Variants in MCU observed in about 807,000 individuals in gnomAD.
The protein encoded by MCU is calcium uniporter protein, mitochondrial.
In MCU, 12 loss-of-function variants were observed where a neutral mutation model predicts 45.2. The observed-to-expected ratio is 0.27, with a 90% CI of 0.17 to 0.43. The LOEUF is 0.43. Ranked by LOEUF, MCU falls within the 20% of genes least tolerant of loss-of-function variation. MCU has a pLI of 1.00. For missense variants in MCU, 324 were observed against 436.7 expected, an observed-to-expected ratio of 0.74 and a Z score of 2.30; for synonymous variants, 160 against 165.1, an observed-to-expected ratio of 0.97 and a Z score of 0.24.
intron 1 of MCU, among the ~76,000 whole-genome samples, chr10:72,743,159 G>T (rs1368328950): frequency 1.3e-5 from 2 of 151,612 alleles, no homozygotes; most frequent in Non-Finnish European, 2.9e-5. Context: ...CTGTAATCCC[G>T]GCACTTTGGG....
intron 1 of MCU, 122 bp from the exon 2 acceptor site, chr10:72,834,237 A>G: frequency 1.8e-6 from 1 of 552,656 alleles, no homozygotes; most frequent in Admixed American, 3.7e-5. Flanking sequence ...GTATTTTTAA[A>G]GTTTTCTACA....
intron 6 of MCU, among the ~76,000 whole-genome samples, chr10:72,879,996 C>T (rs1412659846): frequency 3.3e-5 from 5 of 151,942 alleles, no homozygotes; most frequent in Non-Finnish European, 5.9e-5. Flanking sequence ...TGCAATGAAC[C>T]GAGATCACGC....
chr10:72,878,478 C>T (rs1237698716), intron 6 of MCU, among the ~76,000 whole-genome samples: 2 of 152,086 alleles, frequency 1.3e-5, no homozygotes, highest in African/African-American at 4.8e-5. Context: ...ACAATACCTA[C>T]AGAAACAATA....
chr10:72,831,288 TC>T (rs1413248610), intron 1 of MCU, among the ~76,000 whole-genome samples: 3 of 151,664 alleles, frequency 2.0e-5, no homozygotes, highest in Non-Finnish European at 2.9e-5. Context: ...TGGAGGGGAG[TC>T]TGTAGTTGAT....
At chr10:72,694,691 G>A (rs1270005511) in intron 1 of MCU, among the ~76,000 whole-genome samples, 1 of 152,178 alleles carries the variant, frequency 6.6e-6, no homozygotes, top group Admixed American at 6.5e-5. Flanking sequence ...AGTCTGCATT[G>A]GAATGGATCA....
chr10:72,876,055 T>C (rs191206020), intron 6 of MCU, among the ~76,000 whole-genome samples: 1 of 152,122 alleles, frequency 6.6e-6, no homozygotes, highest in Non-Finnish European at 1.5e-5. Flanking sequence ...CTACTTAGGG[T>C]GGCAATAATG....
chr10:72,735,342 A>G (rs1257383655), intron 1 of MCU, among the ~76,000 whole-genome samples: 1 of 152,180 alleles, frequency 6.6e-6, no homozygotes, highest in African/African-American at 2.4e-5. Context: ...TTAAACATTG[A>G]TAAGTGCAAA....
chr10:72,715,427 A>T (rs1367755597), intron 1 of MCU, among the ~76,000 whole-genome samples: 1 of 152,166 alleles, frequency 6.6e-6, no homozygotes, highest in South Asian at 2.1e-4. Flanking sequence ...GAATATTTTT[A>T]CTATGGTACA....
chr10:72,839,580 G>A (rs983434972), intron 2 of MCU, among the ~76,000 whole-genome samples: 3 of 151,858 alleles, frequency 2.0e-5, no homozygotes, highest in Non-Finnish European at 4.4e-5. Context: ...GTAGTATTCC[G>A]GTATATGGAA....
At chr10:72,815,931 A>G (rs573628714) in intron 1 of MCU, among the ~76,000 whole-genome samples, 14 of 152,320 alleles carry the variant, frequency 9.2e-5, no homozygotes, top group Admixed American at 7.8e-4. Flanking sequence ...GGAGGTGTAA[A>G]TGTTATTCCT....
At chr10:72,860,969 G>A (rs2132870949) in intron 4 of MCU, among the ~76,000 whole-genome samples, 1 of 152,180 alleles carries the variant, frequency 6.6e-6, no homozygotes, top group African/African-American at 2.4e-5. Flanking sequence ...GTCAGTTATT[G>A]TACAATAATA....
chr10:72,790,816 T>C (rs1844147402), intron 1 of MCU, among the ~76,000 whole-genome samples: 1 of 152,212 alleles, frequency 6.6e-6, no homozygotes, highest in Admixed American at 6.5e-5. Flanking sequence ...AGTCGAAATG[T>C]AATCTCCTAG....
At chr10:72,796,414 C>T (rs982127846) in intron 1 of MCU, among the ~76,000 whole-genome samples, 1 of 152,170 alleles carries the variant, frequency 6.6e-6, no homozygotes, top group Non-Finnish European at 1.5e-5. Flanking sequence ...GAGTGAGACT[C>T]TGTCTCTAAA....
intron 1 of MCU, among the ~76,000 whole-genome samples, chr10:72,755,838 C>A (rs577649558): frequency 1.1e-4 from 17 of 150,280 alleles, no homozygotes; most frequent in Middle Eastern, 3.4e-3. Flanking sequence ...CAATTGAAAC[C>A]ATTTTTTTTT....
At chr10:72,873,013 G>GTTTTTTTTTTTTTTTTTTTTTTTTTTTT (rs1193681306) in intron 6 of MCU, among the ~76,000 whole-genome samples, 1 of 88,864 alleles carries the variant, frequency 1.1e-5, no homozygotes, top group African/African-American at 4.7e-5. Flanking sequence ...TGTTTTTTGG[G>GTTTTTTTTTTTTTTTTTTTTTTTTTTTT]TTTTTTTTTT....
At position 72,835,899 on chromosome 10, in the gene MCU, G is replaced by A. The variant is rs1034698535; in HGVS notation, c.220+1471G>A. Among the ~76,000 whole-genome samples, 6 of 152,120 alleles carry A rather than the reference G, an allele frequency of 3.9e-5. No individual in the cohort carries two copies. The East Asian group carries it at 7.7e-4, about 20-fold the overall frequency. On this transcript the variant is annotated intron_variant, in intron 2 of 7. Coordinates refer to ENST00000373053, the MANE Select transcript of MCU (RefSeq NM_138357.3). ...GTACCCAGATAACAGTACTTTCTAC[G>A]TGGCCAAGAGCCAGAGGACCATAAT... is the stretch of plus-strand genomic sequence containing the variant.
chr10:72,799,610 C>T (rs1236227776), intron 1 of MCU, among the ~76,000 whole-genome samples: 1 of 152,012 alleles, frequency 6.6e-6, no homozygotes, highest in African/African-American at 2.4e-5. Flanking sequence ...GTACATGCCA[C>T]TATGCCCAAC....
At chr10:72,834,764 C>CA (rs1259683986) in intron 2 of MCU, among the ~76,000 whole-genome samples, 1 of 152,118 alleles carries the variant, frequency 6.6e-6, no homozygotes, top group East Asian at 1.9e-4. Flanking sequence ...TGGATTCAAG[C>CA]AATTCTCCTG....
intron 2 of MCU, among the ~76,000 whole-genome samples, chr10:72,837,473 C>T (rs1844971871): frequency 6.6e-6 from 1 of 152,020 alleles, no homozygotes; most frequent in Non-Finnish European, 1.5e-5. Flanking sequence ...TTATAACCCC[C>T]GGTAAGTAAT....
Sources: gnomAD v4.1 joint callset for allele counts (sites outside exome capture counted in the v4.1 genomes callset) on GRCh38, gnomAD v4.1.1 for gene constraint, MANE v1.5 for transcripts, NCBI Gene and HGNC (gene_info 2026-07-23, HGNC 2026-07-21) for gene names.